The following SULT1C3 variants were observed in gnomAD, a reference collection of about 807,000 sequenced individuals.
SULT1C3 encodes sulfotransferase family 1C member 3, also known as sulfotransferase 1C3.
A neutral mutation model predicts 28.4 loss-of-function variants in SULT1C3; 31 were observed. The ratio of observed to expected loss-of-function variants is 1.09; its 90% confidence interval spans 0.82 to 1.47. SULT1C3 has a LOEUF of 1.47. Among genes scored for constraint, SULT1C3 ranks in the 40% most tolerant of loss-of-function variants. The pLI is 0.00. For synonymous variants in SULT1C3, 106 were observed against 92.2 expected, an observed-to-expected ratio of 1.15 and a Z score of -0.86; for missense variants, 307 against 272.5, an observed-to-expected ratio of 1.13 and a Z score of -0.89.
chr2:108,242,243 C>G (rs1675477823), intron 1 of SULT1C3, among the ~76,000 whole-genome samples: 1 of 152,154 alleles, frequency 6.6e-6, no homozygotes, highest in Non-Finnish European at 1.5e-5. Flanking sequence ...TTGATTTAAG[C>G]AATTATTTTT....
chr2:108,259,052 C>G lies in SULT1C3; in HGVS notation c.708C>G (p.Thr236=). 1.5e-6 allele frequency: 1 copy of G among 666,036 alleles called. No homozygotes were observed. Among genetic ancestry groups the G allele is most frequent in the Non-Finnish European group, 2.7e-6 (1 of 363,860 alleles). 41.3% of individuals were successfully genotyped at this position (666,036 alleles called of 1,614,324 possible). Residue 236 remains threonine (T), a synonymous_variant, in exon 7 of 8, where the codon ACC becomes ACG. Coordinates refer to ENST00000681802, the MANE Select transcript of SULT1C3 (RefSeq NM_001320878.2). ...GDVINKIVHH[T]SFDVMKDNPM... The stretch of plus-strand genomic sequence containing the variant: ...TTATAAACAAGATTGTCCACCATAC[C>G]TCATTTGATGTAATGAAGGATAATC...
At chr2:108,247,704 AG>A (rs1436652330) in intron 2 of SULT1C3, among the ~76,000 whole-genome samples, 2 of 152,182 alleles carry the variant, frequency 1.3e-5, no homozygotes, top group African/African-American at 2.4e-5. Context: ...GCCTTCTAAA[AG>A]CATGTCCTAC....
chr2:108,249,149 T>TAA (rs1378706061), intron 2 of SULT1C3, among the ~76,000 whole-genome samples: 4 of 152,058 alleles, frequency 2.6e-5, no homozygotes, highest in Non-Finnish European at 5.9e-5. Flanking sequence ...AGTGAGACCC[T>TAA]AAACAGAGGA....
intron 4 of SULT1C3, 142 bp from the exon 5 acceptor site, chr2:108,255,430 T>C (rs1163928425): frequency 2.0e-6 from 2 of 1,010,580 alleles, no homozygotes; most frequent in Admixed American, 5.3e-5. Context: ...ACTCCATTTA[T>C]TTAATGTTTT....
At chr2:108,248,051 T>C (rs941061853) in intron 2 of SULT1C3, among the ~76,000 whole-genome samples, 3 of 152,210 alleles carry the variant, frequency 2.0e-5, no homozygotes, top group Non-Finnish European at 4.4e-5. Flanking sequence ...TACTACATCT[T>C]CTTTTTGAAG....
chr2:108,240,937 A>T (rs188596338), intron 1 of SULT1C3, among the ~76,000 whole-genome samples: 39 of 152,308 alleles, frequency 2.6e-4, no homozygotes, highest in Admixed American at 2.4e-3. Context: ...TGCCTTTTGG[A>T]TTGGCTTTGA....
At chr2:108,254,785 A>ATG (rs1675825865) in intron 4 of SULT1C3, among the ~76,000 whole-genome samples, 1 of 151,008 alleles carries the variant, frequency 6.6e-6, no homozygotes, top group East Asian at 2.0e-4. Flanking sequence ...ATATATATGT[A>ATG]TATATGTATG....
chr2:108,240,872 T>A (rs1446469241), intron 1 of SULT1C3, among the ~76,000 whole-genome samples: 2 of 152,252 alleles, frequency 1.3e-5, no homozygotes, highest in Admixed American at 6.5e-5. Context: ...ACTATAGTCT[T>A]ATACTTGGCC....
intron 1 of SULT1C3, among the ~76,000 whole-genome samples, chr2:108,246,592 G>A (rs1240468968): frequency 6.6e-6 from 1 of 152,078 alleles, no homozygotes; most frequent in Non-Finnish European, 1.5e-5. Context: ...ATGGGTACAA[G>A]AGAGTTTTTT....
At chr2:108,263,876 A>T (rs1676074905), downstream of SULT1C3, among the ~76,000 whole-genome samples, 1 of 152,228 alleles carries the variant, frequency 6.6e-6, no homozygotes, top group Non-Finnish European at 1.5e-5. Context: ...TCCTCAGGAA[A>T]TAGCACATGC....
chr2:108,253,490 C>G (rs370377573), intron 4 of SULT1C3, 48 bp downstream of exon 4: 5 of 950,838 alleles, frequency 5.3e-6, no homozygotes, highest in Non-Finnish European at 7.5e-6. Context: ...GTGATATAAA[C>G]TATACAACTG....
At chr2:108,251,298 G>C (rs1416545857) in intron 2 of SULT1C3, among the ~76,000 whole-genome samples, 2 of 152,056 alleles carry the variant, frequency 1.3e-5, no homozygotes, top group African/African-American at 4.8e-5. Context: ...AGGTAAAGTA[G>C]GATCATTAAT....
At chr2:108,258,459 G>T (rs1269614316) in intron 5 of SULT1C3, among the ~76,000 whole-genome samples, 1 of 152,060 alleles carries the variant, frequency 6.6e-6, no homozygotes, top group Non-Finnish European at 1.5e-5. Flanking sequence ...ACTAAACATG[G>T]TTTACCAGGA....
At chr2:108,257,396 T>C (rs1319000007) in intron 5 of SULT1C3, among the ~76,000 whole-genome samples, 1 of 152,044 alleles carries the variant, frequency 6.6e-6, no homozygotes, top group East Asian at 1.9e-4. Context: ...TGTACATTTA[T>C]CTATATGTAC....
chr2:108,262,977 A>C (rs781640225), downstream of SULT1C3, among the ~76,000 whole-genome samples: 4 of 152,214 alleles, frequency 2.6e-5, no homozygotes, highest in African/African-American at 4.8e-5. Flanking sequence ...GTAAGTGTGC[A>C]TGCCTTCTAA....
rs1286415635 is a variant in SULT1C3, at chr2:108,260,726, C to T, written c.*46C>T. ...GTGACAGAGACTATGCCAACTATTT[C>T]GCCTTTTATTCTGTTGAGCAAGGAA... On this transcript the variant is annotated 3_prime_UTR_variant, in exon 8 of 8. Coordinates refer to ENST00000681802, the MANE Select transcript of SULT1C3 (RefSeq NM_001320878.2). 2.4e-5 allele frequency: 11 copies of T among 452,146 alleles called. No individual in the cohort carries two copies. The highest frequency in any genetic ancestry group is 4.0e-5 in the Non-Finnish European group (9 of 224,580). The allele number at this position is 452,146 out of a possible 1,614,324, so 28.0% of individuals were successfully genotyped here. A position where few individuals can be genotyped will look rare whatever the true frequency, so the allele number is the denominator to read the frequency against.
At chr2:108,247,108 A>C in intron 1 of SULT1C3, 80 bp from the exon 2 acceptor site, 1 of 1,080,884 alleles carries the variant, frequency 9.3e-7, no homozygotes, top group Non-Finnish European at 1.2e-6. Context: ...AATCAAAGGC[A>C]GTAAGATGAT....
downstream of SULT1C3, among the ~76,000 whole-genome samples, chr2:108,261,703 C>G (rs1444508356): frequency 7.2e-5 from 11 of 152,020 alleles, no homozygotes; most frequent in Admixed American, 7.2e-4. Context: ...AAAAGGTATT[C>G]AATTAACATC....
intron 4 of SULT1C3, among the ~76,000 whole-genome samples, chr2:108,254,116 T>C (rs1289250688): frequency 6.6e-6 from 1 of 151,892 alleles, no homozygotes; most frequent in African/African-American, 2.4e-5. Context: ...CTGAGGTATT[T>C]CCCCACTATA....
Sources: allele counts gnomAD v4.1 joint callset (sites outside exome capture counted in the v4.1 genomes callset), GRCh38; gene constraint gnomAD v4.1.1; transcripts MANE v1.5; gene names NCBI Gene and HGNC (gene_info 2026-07-23, HGNC 2026-07-21).